Variants in PIEZO2 observed in about 807,000 individuals in gnomAD.
PIEZO2 encodes piezo-type mechanosensitive ion channel component 2.
Under a neutral mutation model 337.3 loss-of-function variants are expected in PIEZO2, and 172 were observed. The ratio of observed to expected loss-of-function variants is 0.51; its 90% confidence interval spans 0.45 to 0.58. The LOEUF (loss-of-function observed/expected upper bound fraction) is 0.58. Among genes scored for constraint, PIEZO2 ranks in the 20% least tolerant of loss-of-function variants. The pLI is 0.00. For missense variants in PIEZO2, 3,028 were observed against 3,391.3 expected (o/e 0.89, Z 2.66); for synonymous variants, 1,251 against 1,228.5 (o/e 1.02, Z -0.38).
At position 10,807,101 on chromosome 18, in the gene PIEZO2, T is replaced by C; in HGVS notation, c.1080+11A>G. The stretch of plus-strand genomic sequence containing the variant: ...TTGCAGACAAGATCATGAAAATGTT[T>C]TTGTCCTTACAAGGGGCTCTTGCAG... On this transcript the variant is annotated intron_variant, in intron 8 of 55. Transcript: ENST00000674853. The C allele has an allele frequency of 6.5e-7, 1 of 1,530,016 alleles. No homozygotes were observed. Among genetic ancestry groups the C allele is most frequent in the Non-Finnish European group, 8.8e-7 (1 of 1,142,110 alleles). The allele number at this position is 1,530,016 out of a possible 1,614,324, so 94.8% of individuals were successfully genotyped here.
In PIEZO2 at chr18:11,001,760, C is replaced by T. The variant is rs1031387765; in HGVS notation, c.161-22100G>A. The stretch of plus-strand genomic sequence containing the variant: ...ATGCACAGTGGCTCACACCTGTAAC[C>T]CCAGCCACTCGGGAGGCTGAGGCAT... On this transcript the variant is annotated intron_variant, in intron 2 of 55. Transcript: ENST00000674853. This position sits in a 1 kb window ranked among gnomAD's most constrained non-coding sequence, Gnocchi z 5.3. Among the ~76,000 whole-genome samples, 2 of 151,976 alleles carry T rather than the reference C, an allele frequency of 1.3e-5. No homozygotes were observed. Among genetic ancestry groups the T allele is most frequent in the Non-Finnish European group, 2.9e-5 (2 of 68,002 alleles).
chr18:11,034,573 G>A (rs943133658), intron 2 of PIEZO2, among the ~76,000 whole-genome samples: 45 of 152,302 alleles, frequency 3.0e-4, no homozygotes, highest in Middle Eastern at 6.8e-3. Flanking sequence ...GATTACAGGC[G>A]TGAGCCACGC....
rs1790532136 is a variant in PIEZO2, at chr18:11,127,687, T to C, written c.64+20838A>G. On this transcript the variant is annotated intron_variant, in intron 1 of 55. Coordinates refer to ENST00000674853, the MANE Select transcript of PIEZO2 (RefSeq NM_001378183.1). The surrounding 1 kb of genome is among the most constrained non-coding windows in gnomAD (Gnocchi z 4.5). Reference sequence around the variant, plus strand: ...TTAATACTTAATAAACTCCCCTTTATATATATATACATATATATGTCATGT... The same window carrying C: ...TTAATACTTAATAAACTCCCCTTTACATATATATACATATATATGTCATGT... 6.6e-6 allele frequency among the ~76,000 whole-genome samples: 1 copy of C among 151,406 alleles called. No individual in the cohort carries two copies. The highest frequency in any genetic ancestry group is 1.5e-5 in the Non-Finnish European group (1 of 67,926).
At chr18:11,107,450 CAG>C (rs1273705766) in intron 1 of PIEZO2, among the ~76,000 whole-genome samples, 1 of 152,008 alleles carries the variant, frequency 6.6e-6, no homozygotes, top group Admixed American at 6.6e-5. Context: ...ATTTCATGTA[CAG>C]AGTTTTTTTC....
intron 27 of PIEZO2, among the ~76,000 whole-genome samples, chr18:10,755,375 G>T (rs1177542507): frequency 6.6e-6 from 1 of 152,152 alleles, no homozygotes; most frequent in Non-Finnish European, 1.5e-5. Flanking sequence ...AGGATCAGAG[G>T]TTAGGAAATT....
intron 43 of PIEZO2, among the ~76,000 whole-genome samples, chr18:10,701,365 A>C (rs555812044): frequency 6.6e-6 from 1 of 152,380 alleles, no homozygotes; most frequent in South Asian, 2.1e-4. Flanking sequence ...CCTGAGGCTG[A>C]GGCAGGGCCA....
chr18:10,876,712 T>C (rs182185745), intron 4 of PIEZO2, among the ~76,000 whole-genome samples: 15 of 152,326 alleles, frequency 9.8e-5, no homozygotes, highest in South Asian at 2.1e-4. Flanking sequence ...CTGGTTCAAA[T>C]ACACAGTTGG....
rs1055683145 is a variant in PIEZO2, at chr18:11,148,915, C to A, written c.-327G>T. Among the ~76,000 whole-genome samples, 3 of 152,124 alleles carry A rather than the reference C, an allele frequency of 2.0e-5. No individual in the cohort carries two copies. Among genetic ancestry groups the A allele is most frequent in the South Asian group, 2.1e-4 (1 of 4,830 alleles). ...CGGCTTCTTCAGGGGTAGCTGATGC[C>A]GGGGCCTTGGAGAGGGACGCTTTGG... On this transcript the variant is annotated 5_prime_UTR_variant, in exon 1 of 56. Coordinates refer to ENST00000674853, the MANE Select transcript of PIEZO2 (RefSeq NM_001378183.1). This position sits in a 1 kb window ranked among gnomAD's most constrained non-coding sequence, Gnocchi z 5.2.
intron 1 of PIEZO2, among the ~76,000 whole-genome samples, chr18:11,107,207 T>A (rs1007295464): frequency 6.6e-5 from 10 of 152,136 alleles, no homozygotes; most frequent in African/African-American, 2.4e-4. Context: ...GCTGTGAGGA[T>A]TAAATGTACG....
chr18:10,855,514 A>AC lies in PIEZO2; in HGVS notation c.755dup (p.Leu253SerfsTer50), dbSNP rs1036703728. 4 of 1,537,054 alleles carry AC rather than the reference A, an allele frequency of 2.6e-6. No individual in the cohort carries two copies. The highest frequency in any genetic ancestry group is 3.5e-6 in the Non-Finnish European group (4 of 1,146,900). ...GGCACCAGGACCACCAGGTGCACAG[A>AC]CCCAAAAATACAAAAAAATACACAG... is the stretch of plus-strand genomic sequence containing the variant. On this transcript the variant is annotated frameshift_variant, in exon 7 of 56. Coordinates refer to ENST00000674853, the MANE Select transcript of PIEZO2 (RefSeq NM_001378183.1). LOFTEE classifies it high-confidence loss of function. The surrounding 1 kb of genome is among the most constrained non-coding windows in gnomAD (Gnocchi z 4.9).
At chr18:10,881,167 G>A (rs912984907) in intron 4 of PIEZO2, among the ~76,000 whole-genome samples, 15 of 151,862 alleles carry the variant, frequency 9.9e-5, no homozygotes, top group Middle Eastern at 3.4e-3. Flanking sequence ...GTCATTAAAC[G>A]CAGATATCTA....
intron 3 of PIEZO2, among the ~76,000 whole-genome samples, chr18:10,914,272 T>A (rs2030742904): frequency 7.3e-6 from 1 of 137,276 alleles, no homozygotes; most frequent in Non-Finnish European, 1.6e-5. Flanking sequence ...ACATGTTATT[T>A]TTTTTTTTTC....
chr18:10,865,092 C>G (rs1346472830), intron 5 of PIEZO2, among the ~76,000 whole-genome samples: 1 of 152,104 alleles, frequency 6.6e-6, no homozygotes, highest in Non-Finnish European at 1.5e-5. Flanking sequence ...GAGAGCTTAC[C>G]CTAGCCAAAC....
chr18:10,812,793 G>C (rs780359701), intron 7 of PIEZO2, among the ~76,000 whole-genome samples: 14 of 152,048 alleles, frequency 9.2e-5, no homozygotes, highest in Non-Finnish European at 4.4e-5. Flanking sequence ...ACTTGTTTCT[G>C]CTCGCACATG....
chr18:11,131,187 G>A lies in PIEZO2; in HGVS notation c.64+17338C>T, dbSNP rs2146237770. ...ATCAAGTCACCATGCGACCTTAACTGCCTATCATGAACTGGGTGCTTTCTG... is the reference window on the plus strand; with the variant it reads ...ATCAAGTCACCATGCGACCTTAACTACCTATCATGAACTGGGTGCTTTCTG... On this transcript the variant is annotated intron_variant, in intron 1 of 55. Coordinates refer to ENST00000674853, the MANE Select transcript of PIEZO2 (RefSeq NM_001378183.1). This position sits in a 1 kb window ranked among gnomAD's most constrained non-coding sequence, Gnocchi z 5.3. 6.6e-6 allele frequency among the ~76,000 whole-genome samples: 1 copy of A among 152,296 alleles called. No individual in the cohort carries two copies.
rs1408214698 is a variant in PIEZO2, at chr18:11,112,368, G to C, written c.64+36157C>G. On this transcript the variant is annotated intron_variant, in intron 1 of 55. Coordinates refer to ENST00000674853, the MANE Select transcript of PIEZO2 (RefSeq NM_001378183.1). The surrounding 1 kb of genome is among the most constrained non-coding windows in gnomAD (Gnocchi z 4.3). ...CCCATTTAAGTAAAGGCCTGGTCCA[G>C]TCATTCTGAGAACAACCCTTCAACG... 6.6e-6 allele frequency among the ~76,000 whole-genome samples: 1 copy of C among 152,190 alleles called. No homozygotes were observed. The highest frequency in any genetic ancestry group is 1.5e-5 in the Non-Finnish European group (1 of 68,028).
At chr18:11,138,749 T>C (rs979357492) in intron 1 of PIEZO2, among the ~76,000 whole-genome samples, 1 of 152,172 alleles carries the variant, frequency 6.6e-6, no homozygotes, top group Non-Finnish European at 1.5e-5. Context: ...CATTCTGTAA[T>C]GAGTATGCAA....
At chr18:10,699,521 C>T (rs1294760757) in intron 43 of PIEZO2, among the ~76,000 whole-genome samples, 1 of 152,154 alleles carries the variant, frequency 6.6e-6, no homozygotes, top group East Asian at 1.9e-4. Flanking sequence ...TCCTGCTCCC[C>T]TTCTGCCATG....
chr18:10,979,694 G>A lies in PIEZO2; in HGVS notation c.161-34C>T. 6.7e-7 allele frequency: 1 copy of A among 1,500,702 alleles called. No homozygotes were observed. Among genetic ancestry groups the A allele is most frequent in the Non-Finnish European group, 8.9e-7 (1 of 1,123,160 alleles). The allele number at this position is 1,500,702 out of a possible 1,614,324, so 93.0% of individuals were successfully genotyped here. A position where few individuals can be genotyped will look rare whatever the true frequency, so the allele number is the denominator to read the frequency against. Reference sequence around the variant, plus strand: ...TAAAAAGTGCAGAGATTGTGAGAGAGCTTAAGATGAAACACACTGGTGCTG... The same window carrying A: ...TAAAAAGTGCAGAGATTGTGAGAGAACTTAAGATGAAACACACTGGTGCTG... On this transcript the variant is annotated intron_variant, in intron 2 of 55. Transcript: ENST00000674853. This position sits in a 1 kb window ranked among gnomAD's most constrained non-coding sequence, Gnocchi z 4.0.
Sources: gnomAD v4.1 joint callset for allele counts (sites outside exome capture counted in the v4.1 genomes callset) on GRCh38, gnomAD v4.1.1 for gene constraint, Gnocchi (gnomAD v3.1) non-coding constraint, MANE v1.5 for transcripts, NCBI Gene and HGNC (gene_info 2026-07-23, HGNC 2026-07-21) for gene names.